Variants in SHB observed in about 807,000 individuals in gnomAD.
The protein encoded by SHB is SH2 domain containing adaptor protein B, also known as SH2 domain-containing adapter protein B.
In SHB, 20 loss-of-function variants were observed where a neutral mutation model predicts 52.3. The ratio of observed to expected loss-of-function variants is 0.38; its 90% CI spans 0.27 to 0.56. SHB has a LOEUF of 0.56. Among genes scored for constraint, SHB ranks in the 20% least tolerant of loss-of-function variants. The probability of loss-of-function intolerance (pLI) is 0.71; values close to 1 mark genes in which losing one functional copy is unlikely to be tolerated. For missense variants in SHB, 825 were observed against 723.3 expected (o/e 1.14, Z -1.61); for synonymous variants, 397 against 316.5 (o/e 1.25, Z -2.70).
chr9:38,011,541 C>T (rs996422509), intron 2 of SHB, among the ~76,000 whole-genome samples: 1 of 152,150 alleles, frequency 6.6e-6, no homozygotes, highest in African/African-American at 2.4e-5. Context: ...ACTAGTGAGT[C>T]ACTCTGCTTA....
At chr9:38,016,405 T>C (rs575342035) in intron 1 of SHB, among the ~76,000 whole-genome samples, 187 of 152,188 alleles carry the variant, frequency 1.2e-3, no homozygotes, top group Non-Finnish European at 2.1e-3. Context: ...GGGCATCTGG[T>C]GAAGGTAACA....
At chr9:37,984,411 T>C (rs1267635805) in intron 2 of SHB, among the ~76,000 whole-genome samples, 1 of 152,202 alleles carries the variant, frequency 6.6e-6, no homozygotes, top group Admixed American at 6.5e-5. Flanking sequence ...TCAGCTCTTG[T>C]ACGTAACGTG....
At chr9:38,022,892 G>GT (rs897054545) in intron 1 of SHB, among the ~76,000 whole-genome samples, 19 of 152,210 alleles carry the variant, frequency 1.2e-4, no homozygotes, top group Admixed American at 7.8e-4. Flanking sequence ...TGCGTGGGGT[G>GT]TCCAAACAGA....
At chr9:38,053,188 T>C (rs1316799024) in intron 1 of SHB, among the ~76,000 whole-genome samples, 2 of 152,164 alleles carry the variant, frequency 1.3e-5, no homozygotes, top group Non-Finnish European at 2.9e-5. Context: ...AGCAGTGTCA[T>C]CTACGATAAG....
intron 1 of SHB, among the ~76,000 whole-genome samples, chr9:38,062,344 C>A (rs1233499576): frequency 6.6e-6 from 1 of 152,124 alleles, no homozygotes; most frequent in African/African-American, 2.4e-5. Context: ...GCATCGAAGG[C>A]CCTAATTAAT....
At chr9:37,955,211 T>C (rs375561908) in intron 4 of SHB, among the ~76,000 whole-genome samples, 7 of 152,220 alleles carry the variant, frequency 4.6e-5, no homozygotes, top group African/African-American at 1.7e-4. Flanking sequence ...CATGATGAAA[T>C]GAGAAACTAG....
intron 2 of SHB, among the ~76,000 whole-genome samples, chr9:37,982,975 C>CCCG (rs765767832): frequency 4.7e-5 from 7 of 150,200 alleles, no homozygotes; most frequent in South Asian, 2.1e-4. Flanking sequence ...TCTCTGGTGC[C>CCCG]CCCCCCTCCA....
chr9:38,007,103 G>A (rs1415865812), intron 2 of SHB, among the ~76,000 whole-genome samples: 1 of 152,240 alleles, frequency 6.6e-6, no homozygotes, highest in Non-Finnish European at 1.5e-5. Context: ...AGACCCGGGA[G>A]CATAGAACGG....
At chr9:37,935,787 T>A (rs1450710091) in intron 5 of SHB, among the ~76,000 whole-genome samples, 1 of 152,052 alleles carries the variant, frequency 6.6e-6, no homozygotes, top group Non-Finnish European at 1.5e-5. Flanking sequence ...CTATGCTTTT[T>A]CTCTACTGAG....
chr9:38,031,277 C>T (rs1345271456), intron 1 of SHB, among the ~76,000 whole-genome samples: 2 of 152,070 alleles, frequency 1.3e-5, no homozygotes, highest in Admixed American at 6.5e-5. Context: ...GCCGAGATCT[C>T]GCCACTGCAC....
chr9:38,054,084 A>C (rs961297752), intron 1 of SHB, among the ~76,000 whole-genome samples: 3 of 152,184 alleles, frequency 2.0e-5, no homozygotes, highest in African/African-American at 7.2e-5. Context: ...GGCCCAGAGA[A>C]TTTTATCACT....
chr9:37,922,626 T>C (rs1832197003), intron 5 of SHB, among the ~76,000 whole-genome samples: 1 of 152,214 alleles, frequency 6.6e-6, no homozygotes, highest in South Asian at 2.1e-4. Context: ...AGACTGGTCA[T>C]GAAGCTCAGA....
At chr9:37,926,079 C>T (rs1261792100) in intron 5 of SHB, among the ~76,000 whole-genome samples, 1 of 152,066 alleles carries the variant, frequency 6.6e-6, no homozygotes, top group Non-Finnish European at 1.5e-5. Flanking sequence ...GGAGTCAGGC[C>T]CAGCTCTAAT....
intron 1 of SHB, among the ~76,000 whole-genome samples, chr9:38,044,586 C>T (rs1022910998): frequency 2.0e-5 from 3 of 152,210 alleles, no homozygotes; most frequent in Non-Finnish European, 4.4e-5. Flanking sequence ...AGAATCAAAG[C>T]TGCTCTTTCC....
At position 37,938,812 on chromosome 9, in the gene SHB, G is replaced by C. The variant is rs995461851; in HGVS notation, c.1346+9823C>G. 3.3e-5 allele frequency among the ~76,000 whole-genome samples: 5 copies of C among 152,240 alleles called. 1 individual carries two copies. The South Asian group carries it at 1.0e-3, about 32-fold the overall frequency. On this transcript the variant is annotated intron_variant, in intron 5 of 5. Coordinates refer to ENST00000377707, the MANE Select transcript of SHB (RefSeq NM_003028.3). Reference sequence around the variant, plus strand: ...CGGGCACGTCTGGCACTGCCGGGTTGGGGGGTGGTGCACTGGGCCGTGAAC... The same window carrying C: ...CGGGCACGTCTGGCACTGCCGGGTTCGGGGGTGGTGCACTGGGCCGTGAAC...
chr9:37,993,480 G>C (rs932408467), intron 2 of SHB, among the ~76,000 whole-genome samples: 9 of 152,126 alleles, frequency 5.9e-5, no homozygotes, highest in Non-Finnish European at 1.5e-5. Flanking sequence ...AATGGGTGCA[G>C]CACACCAACA....
At chr9:38,061,333 T>C (rs1171585269) in intron 1 of SHB, among the ~76,000 whole-genome samples, 1 of 140,296 alleles carries the variant, frequency 7.1e-6, no homozygotes, top group Non-Finnish European at 1.6e-5. Flanking sequence ...AAAAAAGAAA[T>C]AGAAAATACA....
At chr9:38,054,557 A>G (rs1821787631) in intron 1 of SHB, among the ~76,000 whole-genome samples, 1 of 152,114 alleles carries the variant, frequency 6.6e-6, no homozygotes, top group South Asian at 2.1e-4. Context: ...CAAGACCTCC[A>G]CAGTTGTGAC....
chr9:38,047,975 A>G (rs1388574901), intron 1 of SHB, among the ~76,000 whole-genome samples: 1 of 152,188 alleles, frequency 6.6e-6, no homozygotes, highest in Non-Finnish European at 1.5e-5. Context: ...GCTTGTCACC[A>G]CTTCCTGTGA....
Sources: gnomAD v4.1 joint callset for allele counts (sites outside exome capture counted in the v4.1 genomes callset) on GRCh38, gnomAD v4.1.1 for gene constraint, MANE v1.5 for transcripts, NCBI Gene and HGNC (gene_info 2026-07-23, HGNC 2026-07-21) for gene names.